Variants in SPATA16 observed in about 807,000 individuals in gnomAD.
SPATA16 encodes spermatogenesis-associated protein 16.
A neutral mutation model predicts 63.3 loss-of-function variants in SPATA16; 36 were observed. That is an observed-to-expected ratio of 0.57 (90% CI 0.44 to 0.75). The LOEUF (loss-of-function observed/expected upper bound fraction) is 0.75, where lower values mean the gene tolerates loss of function less well. Ranked by LOEUF, SPATA16 falls within the 30% of genes least tolerant of loss-of-function variation. The pLI is 0.00. For missense variants in SPATA16, 646 were observed against 679.3 expected (o/e 0.95, Z 0.54); for synonymous variants, 203 against 216.7 (o/e 0.94, Z 0.56).
chr3:173,069,051 A>G (rs1259955014), intron 2 of SPATA16, among the ~76,000 whole-genome samples: 7 of 149,610 alleles, frequency 4.7e-5, no homozygotes, highest in Non-Finnish European at 1.0e-4. Flanking sequence ...CGGAGCTTGC[A>G]GTGAGCTGAG....
At chr3:172,994,528 C>CTGTGTGTGTG (rs149994711) in intron 4 of SPATA16, among the ~76,000 whole-genome samples, 2,628 of 151,952 alleles carry the variant, frequency 0.017, 83 homozygotes, top group African/African-American at 0.061. Flanking sequence ...GTACTGAAAT[C>CTGTGTGTGTG]TGTGTGTGTG....
intron 4 of SPATA16, among the ~76,000 whole-genome samples, chr3:173,010,370 G>T (rs1735039825): frequency 6.6e-6 from 1 of 152,062 alleles, no homozygotes; most frequent in Admixed American, 6.6e-5. Flanking sequence ...TCTGTTACAA[G>T]GCCCACTGGT....
At chr3:173,069,820 G>A (rs1163659183) in intron 2 of SPATA16, among the ~76,000 whole-genome samples, 1 of 152,130 alleles carries the variant, frequency 6.6e-6, no homozygotes, top group Non-Finnish European at 1.5e-5. Context: ...GTGATGCAAG[G>A]ATAGTTCAAC....
intron 4 of SPATA16, among the ~76,000 whole-genome samples, chr3:172,987,528 T>G (rs540320196): frequency 9.2e-5 from 14 of 152,312 alleles, no homozygotes; most frequent in Admixed American, 7.2e-4. Flanking sequence ...GTATGGTTCT[T>G]CAATCTTGAA....
At chr3:173,066,986 A>G (rs1013684325) in intron 2 of SPATA16, among the ~76,000 whole-genome samples, 3 of 120,534 alleles carry the variant, frequency 2.5e-5, no homozygotes. Context: ...AAGAAATTAA[A>G]CAAATTCTGG....
intron 2 of SPATA16, among the ~76,000 whole-genome samples, chr3:173,080,443 A>G (rs1368845736): frequency 7.0e-6 from 1 of 143,012 alleles, no homozygotes; most frequent in East Asian, 2.1e-4. Flanking sequence ...TGCTGGGTGA[A>G]GACATCTTGT....
intron 5 of SPATA16, among the ~76,000 whole-genome samples, chr3:172,973,816 A>G (rs1364245775): frequency 6.6e-6 from 1 of 152,136 alleles, no homozygotes; most frequent in Non-Finnish European, 1.5e-5. Context: ...TATTTTGCTA[A>G]TTACTTCAGG....
chr3:173,096,854 C>G (rs1737366540), intron 2 of SPATA16, among the ~76,000 whole-genome samples: 2 of 151,942 alleles, frequency 1.3e-5, no homozygotes, highest in Admixed American at 1.3e-4. Context: ...GTATCCTTAG[C>G]ATGATGGAAT....
chr3:172,954,340 G>A (rs1733520494), intron 6 of SPATA16, among the ~76,000 whole-genome samples: 1 of 152,124 alleles, frequency 6.6e-6, no homozygotes, highest in South Asian at 2.1e-4. Flanking sequence ...ACTACCATGA[G>A]AACAGTATGG....
intron 5 of SPATA16, among the ~76,000 whole-genome samples, chr3:172,971,516 T>A (rs1734047867): frequency 6.6e-6 from 1 of 152,198 alleles, no homozygotes; most frequent in South Asian, 2.1e-4. Context: ...AAGTACCTTA[T>A]AGTCTGTAGC....
intron 4 of SPATA16, among the ~76,000 whole-genome samples, chr3:173,006,846 A>T (rs1274444877): frequency 6.7e-6 from 1 of 149,944 alleles, no homozygotes; most frequent in Admixed American, 6.7e-5. Context: ...GTAAGCCAAG[A>T]AAAAAAAAAG....
At chr3:173,113,702 A>G (rs1351455549) in intron 2 of SPATA16, among the ~76,000 whole-genome samples, 2 of 152,202 alleles carry the variant, frequency 1.3e-5, no homozygotes, top group Non-Finnish European at 2.9e-5. Context: ...CATAAACAAA[A>G]CATTCCTAAT....
intron 4 of SPATA16, among the ~76,000 whole-genome samples, chr3:172,987,564 G>A (rs375600816): frequency 1.3e-5 from 2 of 152,122 alleles, no homozygotes; most frequent in East Asian, 1.9e-4. Context: ...TTTATTTAAC[G>A]TTTTGTGGGA....
At chr3:172,954,861 A>G (rs1733534481) in intron 6 of SPATA16, among the ~76,000 whole-genome samples, 1 of 152,214 alleles carries the variant, frequency 6.6e-6, no homozygotes, top group Admixed American at 6.5e-5. Context: ...GAACTTTATC[A>G]GTCCCAACGA....
At chr3:173,061,928 G>C (rs1313062297) in intron 2 of SPATA16, among the ~76,000 whole-genome samples, 4 of 152,084 alleles carry the variant, frequency 2.6e-5, no homozygotes, top group African/African-American at 9.7e-5. Flanking sequence ...GCCATGATGT[G>C]ATCTCTATTA....
chr3:173,048,552 C>T (rs148709052), intron 3 of SPATA16, among the ~76,000 whole-genome samples: 2 of 152,190 alleles, frequency 1.3e-5, no homozygotes, highest in Non-Finnish European at 2.9e-5. Flanking sequence ...ACCAAATAAG[C>T]CATGAACTTT....
intron 6 of SPATA16, among the ~76,000 whole-genome samples, chr3:172,948,892 A>C (rs1190888354): frequency 6.6e-6 from 1 of 152,240 alleles, no homozygotes; most frequent in African/African-American, 2.4e-5. Flanking sequence ...TTATTGAGCA[A>C]AAGAAGTCAG....
chr3:172,960,867 T>TTCTC lies in SPATA16; in HGVS notation c.934-4044_934-4043insGAGA, dbSNP rs760183008. Among the ~76,000 whole-genome samples the TTCTC allele has an allele frequency of 6.7e-4, 64 of 95,046 alleles. No individual in the cohort carries two copies. The South Asian group carries it at 0.019, about 28-fold the overall frequency. The allele number at this position is 95,046 out of a possible 152,430, so 62.4% of individuals were successfully genotyped here. On this transcript the variant is annotated intron_variant, in intron 5 of 10. Coordinates refer to ENST00000351008, the MANE Select transcript of SPATA16 (RefSeq NM_031955.6). ...GGATGATAGAATTATGTAACTTACT[T>TTCTC]TCTTTCTCTCTTTCTTTCTCTCTCT... is the stretch of plus-strand genomic sequence containing the variant.
chr3:172,949,742 G>A (rs1300043878), intron 6 of SPATA16, among the ~76,000 whole-genome samples: 7 of 152,026 alleles, frequency 4.6e-5, no homozygotes, highest in Non-Finnish European at 7.4e-5. Context: ...TATGTAGACC[G>A]AGATAATGGG....
Sources: allele counts gnomAD v4.1 joint callset (sites outside exome capture counted in the v4.1 genomes callset), GRCh38; gene constraint gnomAD v4.1.1; transcripts MANE v1.5; gene names NCBI Gene and HGNC (gene_info 2026-07-23, HGNC 2026-07-21).